Variants in LDB2 observed in about 807,000 individuals in gnomAD.
LDB2 encodes LIM domain-binding protein 2.
In LDB2, 12 loss-of-function variants were observed where a neutral mutation model predicts 44.3. The ratio of observed to expected loss-of-function variants is 0.27; its 90% CI spans 0.17 to 0.44. The LOEUF (loss-of-function observed/expected upper bound fraction) is 0.44, where lower values mean the gene tolerates loss of function less well. Among genes scored for constraint, LDB2 ranks in the 20% least tolerant of loss-of-function variants. The pLI is 1.00. For missense variants in LDB2, 344 were observed against 473.5 expected (o/e 0.73, Z 2.54); for synonymous variants, 164 against 174.8 (o/e 0.94, Z 0.49).
intron 1 of LDB2, among the ~76,000 whole-genome samples, chr4:16,861,474 T>C (rs897612016): frequency 6.6e-6 from 1 of 152,224 alleles, no homozygotes; most frequent in African/African-American, 2.4e-5. Context: ...ACCATCACTA[T>C]ACTGCTATAG....
intron 1 of LDB2, among the ~76,000 whole-genome samples, chr4:16,812,702 C>A (rs1380405376): frequency 7.0e-6 from 1 of 143,502 alleles, no homozygotes. Context: ...TTAACTACTC[C>A]AAAGTCTTTG....
intron 2 of LDB2, among the ~76,000 whole-genome samples, chr4:16,710,530 G>T (rs1394213909): frequency 6.6e-6 from 1 of 152,084 alleles, no homozygotes; most frequent in African/African-American, 2.4e-5. Context: ...TTTGTGGGCA[G>T]GACCCCAGAA....
At chr4:16,598,879 T>TTC (rs1721797956) in intron 2 of LDB2, among the ~76,000 whole-genome samples, 1 of 30,612 alleles carries the variant, frequency 3.3e-5, no homozygotes, top group Non-Finnish European at 6.8e-5. Flanking sequence ...CTTTCTTTCT[T>TTC]TTTTTTTTTT....
In LDB2 at chr4:16,538,430, A is replaced by AAAAACAAAACAAAACAAAAACAAAAC. The variant is rs1553887302; in HGVS notation, c.616-26327_616-26326insGTTTTGTTTTTGTTTTGTTTTGTTTT. ...GTCCAACAAGCAAAAAAACAAAAAC[A>AAAAACAAAACAAAACAAAAACAAAAC]AAAACAAAACAAAACAAAACACAAT... is the stretch of plus-strand genomic sequence containing the variant. On this transcript the variant is annotated intron_variant, in intron 5 of 7. Coordinates refer to ENST00000304523, the MANE Select transcript of LDB2 (RefSeq NM_001290.5). 2.2e-3 allele frequency among the ~76,000 whole-genome samples: 336 copies of AAAAACAAAACAAAACAAAAACAAAAC among 152,060 alleles called. 3 individuals carry two copies. The highest frequency in any genetic ancestry group is 7.7e-3 in the African/African-American group (318 of 41,476).
chr4:16,710,845 C>T (rs1332287713), intron 2 of LDB2, among the ~76,000 whole-genome samples: 2 of 152,122 alleles, frequency 1.3e-5, no homozygotes, highest in East Asian at 1.9e-4. Flanking sequence ...CCCAATAATA[C>T]ATTGAGTCAA....
chr4:16,639,206 G>A (rs1734476096), intron 2 of LDB2, among the ~76,000 whole-genome samples: 1 of 152,140 alleles, frequency 6.6e-6, no homozygotes, highest in African/African-American at 2.4e-5. Context: ...TGTTTCTGAT[G>A]TTGTCTGGGA....
intron 1 of LDB2, among the ~76,000 whole-genome samples, chr4:16,781,367 A>G (rs1773191818): frequency 1.3e-5 from 2 of 152,214 alleles, no homozygotes; most frequent in African/African-American, 4.8e-5. Context: ...TTAACTGGGC[A>G]TATGCTTTGG....
At chr4:16,850,947 AGTGTGTGTGT>A (rs71181193) in intron 1 of LDB2, among the ~76,000 whole-genome samples, 1 of 143,072 alleles carries the variant, frequency 7.0e-6, no homozygotes, top group Non-Finnish European at 1.5e-5. Flanking sequence ...TAAAACCATA[AGTGTGTGTGT>A]GTGTGTGTGT....
chr4:16,690,519 G>GGAA (rs1750467184), intron 2 of LDB2, among the ~76,000 whole-genome samples: 1 of 1,428 alleles, frequency 7.0e-4, no homozygotes, highest in Non-Finnish European at 2.1e-3. Flanking sequence ...GGGAGGGAGG[G>GGAA]GGGAGGGAGG....
chr4:16,840,431 CT>C (rs1785665003), intron 1 of LDB2, among the ~76,000 whole-genome samples: 1 of 152,186 alleles, frequency 6.6e-6, no homozygotes, highest in Admixed American at 6.5e-5. Flanking sequence ...TTTCCAGCCA[CT>C]GGCCATTTAT....
At chr4:16,758,560 T>C (rs1767165916) in intron 2 of LDB2, among the ~76,000 whole-genome samples, 1 of 152,210 alleles carries the variant, frequency 6.6e-6, no homozygotes. Flanking sequence ...GATCAGCTGT[T>C]ACCCAAGGTG....
chr4:16,629,484 C>T (rs62296932), intron 2 of LDB2, among the ~76,000 whole-genome samples: 59,416 of 151,924 alleles, frequency 0.39, 11,988 homozygotes, highest in Middle Eastern at 0.61. Flanking sequence ...GATACCCACG[C>T]AAACAGGGCC....
intron 6 of LDB2, 102 bp from the exon 7 acceptor site, chr4:16,508,788 G>A: frequency 8.8e-7 from 1 of 1,130,408 alleles, no homozygotes; most frequent in Non-Finnish European, 1.2e-6. Flanking sequence ...AAACTGAAGA[G>A]TAGACTATTT....
intron 1 of LDB2, among the ~76,000 whole-genome samples, chr4:16,881,619 T>TTA (rs397880800): frequency 1.3e-5 from 2 of 150,928 alleles, no homozygotes; most frequent in African/African-American, 4.9e-5. Flanking sequence ...TTTTTTTTTT[T>TTA]AAGATTGACT....
At chr4:16,628,990 C>T (rs1731104727) in intron 2 of LDB2, among the ~76,000 whole-genome samples, 2 of 152,224 alleles carry the variant, frequency 1.3e-5, no homozygotes, top group African/African-American at 4.8e-5. Flanking sequence ...GCCCATGGAG[C>T]TTTGCTTGCT....
chr4:16,761,400 G>A (rs1561136378), intron 1 of LDB2, among the ~76,000 whole-genome samples: 1 of 152,198 alleles, frequency 6.6e-6, no homozygotes, highest in Admixed American at 6.5e-5. Context: ...GTCTGAGGTT[G>A]ATTTCTTCTT....
At chr4:16,530,823 A>G (rs892630763) in intron 5 of LDB2, among the ~76,000 whole-genome samples, 1 of 152,102 alleles carries the variant, frequency 6.6e-6, no homozygotes, top group Admixed American at 6.6e-5. Context: ...GCACACAACT[A>G]GTTACTCTGT....
intron 5 of LDB2, among the ~76,000 whole-genome samples, chr4:16,552,860 A>C (rs1022955342): frequency 2.0e-5 from 3 of 152,216 alleles, no homozygotes; most frequent in Non-Finnish European, 4.4e-5. Flanking sequence ...GATGTTCGTC[A>C]GTCAGAGAAG....
At chr4:16,742,074 C>CTTTTTTT (rs33990510) in intron 2 of LDB2, among the ~76,000 whole-genome samples, 6 of 128,310 alleles carry the variant, frequency 4.7e-5, no homozygotes, top group Non-Finnish European at 6.4e-5. Context: ...CTTTTCTTTT[C>CTTTTTTT]TTTTTTTTTT....
Sources: gnomAD v4.1 joint callset for allele counts (sites outside exome capture counted in the v4.1 genomes callset) on GRCh38, gnomAD v4.1.1 for gene constraint, MANE v1.5 for transcripts, NCBI Gene and HGNC (gene_info 2026-07-23, HGNC 2026-07-21) for gene names.